The following MED12L variants were observed in gnomAD, a reference collection of about 807,000 sequenced individuals.
MED12L encodes the protein mediator of RNA polymerase II transcription subunit 12-like protein.
Under a neutral mutation model 281.3 loss-of-function variants are expected in MED12L, and 60 were observed. That is an observed-to-expected ratio of 0.21 (90% confidence interval 0.17 to 0.26). MED12L has a LOEUF of 0.26. Ranked by LOEUF, MED12L falls within the 10% of genes least tolerant of loss-of-function variation. The pLI, the probability that MED12L is intolerant of heterozygous loss-of-function variation, is 1.00. For missense variants in MED12L, 2,146 were observed against 2,680.9 expected (o/e 0.80, Z 4.41); for synonymous variants, 974 against 987.2 (o/e 0.99, Z 0.25).
At chr3:151,429,972 C>T (rs749347066) in intron 43 of MED12L, among the ~76,000 whole-genome samples, 1 of 152,202 alleles carries the variant, frequency 6.6e-6, no homozygotes, top group Admixed American at 6.5e-5. Flanking sequence ...TCATGATACT[C>T]ATGAGCTAGC....
At chr3:151,336,788 A>G (rs1246575113) in intron 16 of MED12L, 11 of 290,782 alleles carry the variant, frequency 3.8e-5, no homozygotes, top group Non-Finnish European at 7.5e-5. Context: ...GTAGTTGTAT[A>G]TGGTATGGTG....
rs772636406 is a variant in MED12L, at chr3:151,214,299, G to A, written c.2250+20633G>A. On this transcript the variant is annotated intron_variant, in intron 16 of 44. Transcript: ENST00000687756. ...AGCAGGATTCATCTGGAGGCTGTGT[G>A]GAGGTTGAATTGATCATCTTGTAAC... 52 of 1,613,218 alleles carry A rather than the reference G, an allele frequency of 3.2e-5. 1 individual carries two copies. The South Asian group carries it at 5.5e-4, about 17-fold the overall frequency.
At chr3:151,279,568 T>C (rs1267675000) in intron 16 of MED12L, among the ~76,000 whole-genome samples, 1 of 152,206 alleles carries the variant, frequency 6.6e-6, no homozygotes, top group Non-Finnish European at 1.5e-5. Flanking sequence ...GAGGGACTCT[T>C]CTTCAGACCC....
Position 151,365,092 on chromosome 3 carries a change from G to T in MED12L, c.3071G>T (p.Arg1024Leu), listed in dbSNP as rs758782381. The change falls in exon 22 of 45, where the codon CGC becomes CTC. Residue 1024 changes from arginine (R) to leucine (L), a missense_variant. Coordinates refer to ENST00000687756, the MANE Select transcript of MED12L (RefSeq NM_001393769.1). ...GATTTTATTGAGAATCCCTCAGCCCGCAGCATCAACTACTCAATGCTGGGC... is the reference window on the plus strand; with the variant it reads ...GATTTTATTGAGAATCCCTCAGCCCTCAGCATCAACTACTCAATGCTGGGC... ...MMDFIENPSA[R>L]SINYSMLGKI... The T allele has an allele frequency of 8.1e-6, 13 of 1,613,852 alleles. No homozygotes were observed. Among genetic ancestry groups the T allele is most frequent in the Admixed American group, 1.7e-5 (1 of 59,976 alleles).
intron 5 of MED12L, among the ~76,000 whole-genome samples, chr3:151,134,767 G>C (rs938001820): frequency 6.6e-6 from 1 of 152,174 alleles, no homozygotes; most frequent in African/African-American, 2.4e-5. Flanking sequence ...TCTGACAGAA[G>C]GATGAAGTCT....
intron 16 of MED12L, among the ~76,000 whole-genome samples, chr3:151,287,939 T>G (rs749652532): frequency 1.3e-5 from 2 of 152,232 alleles, no homozygotes; most frequent in Non-Finnish European, 2.9e-5. Context: ...TTTTTGTGAT[T>G]AATAGAAGCG....
intron 39 of MED12L, among the ~76,000 whole-genome samples, chr3:151,406,326 T>A (rs968731363): frequency 6.6e-6 from 1 of 152,232 alleles, no homozygotes; most frequent in Non-Finnish European, 1.5e-5. Context: ...TCTCAACTAA[T>A]TGAACTGTTT....
At chr3:151,396,850 A>G (rs1715044691) in intron 39 of MED12L, among the ~76,000 whole-genome samples, 2 of 152,226 alleles carry the variant, frequency 1.3e-5, no homozygotes, top group Admixed American at 6.5e-5. Flanking sequence ...TAAAAGGTTC[A>G]CTTCCTGATA....
intron 36 of MED12L, 53 bp downstream of exon 36, chr3:151,385,244 A>G: frequency 1.0e-6 from 1 of 970,966 alleles, no homozygotes; most frequent in Non-Finnish European, 1.5e-6. Flanking sequence ...AAGATGAAAT[A>G]CTTTTTTTTG....
intron 16 of MED12L, among the ~76,000 whole-genome samples, chr3:151,205,690 G>A (rs1425940401): frequency 2.0e-5 from 3 of 152,024 alleles, no homozygotes; most frequent in Non-Finnish European, 2.9e-5. Flanking sequence ...GGGAAACTGT[G>A]GTGCAGAGAA....
intron 16 of MED12L, chr3:151,212,602 C>G (rs1727351820): frequency 6.6e-6 from 1 of 151,972 alleles, no homozygotes; most frequent in Non-Finnish European, 1.5e-5. Flanking sequence ...ACCAGAACCC[C>G]AGGCTCATTA....
intron 16 of MED12L, among the ~76,000 whole-genome samples, chr3:151,261,001 T>C (rs984491001): frequency 6.6e-6 from 1 of 152,140 alleles, no homozygotes; most frequent in Admixed American, 6.5e-5. Context: ...GTTCTGTGTG[T>C]TGCAGGGCAA....
At chr3:151,229,614 G>A (rs1475279441) in intron 16 of MED12L, among the ~76,000 whole-genome samples, 3 of 151,852 alleles carry the variant, frequency 2.0e-5, no homozygotes, top group Non-Finnish European at 4.4e-5. Context: ...TAGTAGCTGG[G>A]ACTACAGGCG....
chr3:151,397,561 A>G lies in MED12L; in HGVS notation c.5820+2694A>G, dbSNP rs199983965. Among the ~76,000 whole-genome samples, 5 of 152,230 alleles carry G rather than the reference A, an allele frequency of 3.3e-5. No individual in the cohort carries two copies. In the East Asian group the frequency reaches 9.6e-4, roughly 29 times the overall value. On this transcript the variant is annotated intron_variant, in intron 39 of 44. Transcript: ENST00000687756. The stretch of plus-strand genomic sequence containing the variant: ...TAGCAAATATGGTCTTATGGCAGAA[A>G]AAAATTCTTCTGATAATCCTTCAAA...
rs1308805851 is a variant in MED12L, at chr3:151,384,133, C to A, written c.4841C>A (p.Thr1614Lys). The A allele has an allele frequency of 6.2e-7, 1 of 1,613,934 alleles. No individual in the cohort carries two copies. The highest frequency in any genetic ancestry group is 8.5e-7 in the Non-Finnish European group (1 of 1,179,850). Residue 1614 changes from threonine (T) to lysine (K), a missense_variant, in exon 35 of 45, where the codon ACG (threonine) becomes AAG (lysine). By Grantham distance (78) the Thr-to-Lys change is moderately conservative (BLOSUM62 -1). Transcript: ENST00000687756. ...LDMLGVLING[T>K]LASDLSNASP... ...ATGCTGGGTGTTTTAATCAATGGAACGTTAGCCTCTGACCTATCAAATGCA... is the reference window on the plus strand; with the variant it reads ...ATGCTGGGTGTTTTAATCAATGGAAAGTTAGCCTCTGACCTATCAAATGCA...
intron 6 of MED12L, among the ~76,000 whole-genome samples, 179 bp from the exon 7 acceptor site, chr3:151,158,505 CAAAAA>C (rs962593651): frequency 6.6e-6 from 1 of 150,690 alleles, no homozygotes; most frequent in African/African-American, 2.4e-5. Flanking sequence ...TTCTAAAAAA[CAAAAA>C]AAACTATACA....
At chr3:151,430,409 A>G (rs769807906) in intron 44 of MED12L, 29 bp downstream of exon 44, 75 of 1,611,218 alleles carry the variant, frequency 4.7e-5, no homozygotes, top group Non-Finnish European at 6.1e-5. Flanking sequence ...CATGGAACAG[A>G]CAGCTCCCGG....
At chr3:151,205,750 T>C (rs918382555) in intron 16 of MED12L, among the ~76,000 whole-genome samples, 4 of 152,182 alleles carry the variant, frequency 2.6e-5, no homozygotes, top group African/African-American at 9.7e-5. Flanking sequence ...TCCCAGCTCT[T>C]AGTTATGCTT....
At chr3:151,220,473 T>A (rs1266474050) in intron 16 of MED12L, among the ~76,000 whole-genome samples, 1 of 152,100 alleles carries the variant, frequency 6.6e-6, no homozygotes, top group Non-Finnish European at 1.5e-5. Flanking sequence ...CGTGATATGG[T>A]TTGGCTCTGT....
Sources: allele counts gnomAD v4.1 joint callset (sites outside exome capture counted in the v4.1 genomes callset), GRCh38; gene constraint gnomAD v4.1.1; transcripts MANE v1.5; gene names NCBI Gene and HGNC (gene_info 2026-07-23, HGNC 2026-07-21).